The following SLC16A10 variants were observed in gnomAD, a reference collection of about 807,000 sequenced individuals.
SLC16A10 encodes monocarboxylate transporter 10.
SLC16A10 carries 27 observed loss-of-function variants against 40.0 expected under a neutral mutation model. The ratio of observed to expected loss-of-function variants is 0.67; its 90% CI spans 0.50 to 0.93. The LOEUF is 0.93. Ranked by LOEUF, SLC16A10 falls within the 40% of genes least tolerant of loss-of-function variation. The probability of loss-of-function intolerance (pLI) is 0.00; values close to 1 mark genes in which losing one functional copy is unlikely to be tolerated. For synonymous variants in SLC16A10, 213 were observed against 249.8 expected, an observed-to-expected ratio of 0.85 and a Z score of 1.39; for missense variants, 529 against 658.2, an observed-to-expected ratio of 0.80 and a Z score of 2.15.
intron 3 of SLC16A10, among the ~76,000 whole-genome samples, chr6:111,199,288 T>A (rs951543097): frequency 2.6e-5 from 4 of 152,064 alleles, no homozygotes; most frequent in African/African-American, 9.7e-5. Context: ...GGTGAAACTC[T>A]GTCTCTGCTA....
At chr6:111,095,106 G>A (rs532194291) in intron 1 of SLC16A10, among the ~76,000 whole-genome samples, 2 of 152,290 alleles carry the variant, frequency 1.3e-5, no homozygotes, top group African/African-American at 4.8e-5. Context: ...TCCCTACTCC[G>A]AAGGCCTGCA....
intron 1 of SLC16A10, among the ~76,000 whole-genome samples, chr6:111,171,989 A>C (rs922022175): frequency 6.6e-6 from 1 of 152,164 alleles, no homozygotes; most frequent in Non-Finnish European, 1.5e-5. Flanking sequence ...ATAGAGCTTC[A>C]GGGTCATCTA....
At chr6:111,219,966 G>A (rs1475087413) in intron 5 of SLC16A10, among the ~76,000 whole-genome samples, 1 of 152,126 alleles carries the variant, frequency 6.6e-6, no homozygotes, top group Non-Finnish European at 1.5e-5. Flanking sequence ...TAATATTAGT[G>A]TAGTCCCACC....
chr6:111,204,832 A>G (rs1227315239), intron 3 of SLC16A10, among the ~76,000 whole-genome samples: 1 of 152,214 alleles, frequency 6.6e-6, no homozygotes, highest in Non-Finnish European at 1.5e-5. Flanking sequence ...TGGTAGACCT[A>G]TATGATAATA....
At chr6:111,145,705 C>T (rs752069463) in intron 1 of SLC16A10, among the ~76,000 whole-genome samples, 36 of 152,084 alleles carry the variant, frequency 2.4e-4, no homozygotes, top group Admixed American at 3.3e-4. Flanking sequence ...AAAAATCAGC[C>T]GGGCATGGCA....
rs1770987059 is a variant in SLC16A10 at position 111,225,859 on chromosome 6, C to G, written c.*3624C>G. The G allele has an allele frequency of 6.6e-6, 1 of 152,140 alleles. No homozygotes were observed. The allele number at this position is 152,140 out of a possible 1,614,324, so 9.4% of individuals were successfully genotyped here. A position where few individuals can be genotyped will look rare whatever the true frequency, so the allele number is the denominator to read the frequency against. On this transcript the variant is annotated 3_prime_UTR_variant, in exon 6 of 6. Coordinates refer to ENST00000368851, the MANE Select transcript of SLC16A10 (RefSeq NM_018593.5). ...CTTCTTACATTATTCTTATCCTCAT[C>G]ATTTTTTCATTTCCCTTTACTTCCT... is the stretch of plus-strand genomic sequence containing the variant.
chr6:111,154,881 G>T (rs1772239488), intron 1 of SLC16A10, among the ~76,000 whole-genome samples: 1 of 151,986 alleles, frequency 6.6e-6, no homozygotes, highest in Admixed American at 6.6e-5. Flanking sequence ...AAAATTAGCT[G>T]GGCGTGGTGG....
At position 111,153,197 on chromosome 6, in the gene SLC16A10, A is replaced by C. The variant is rs77511161; in HGVS notation, c.344-19498A>C. Among the ~76,000 whole-genome samples, 3 of 152,306 alleles carry C rather than the reference A, an allele frequency of 2.0e-5. No individual in the cohort carries two copies. In the East Asian group the frequency reaches 5.8e-4, roughly 29 times the overall value. Reference sequence around the variant, plus strand: ...TTAAGCATTATTAAATTGTTCTCCCATCTTTAAAAGGTTCCCTAGCTTAGG... The same window carrying C: ...TTAAGCATTATTAAATTGTTCTCCCCTCTTTAAAAGGTTCCCTAGCTTAGG... On this transcript the variant is annotated intron_variant, in intron 1 of 5. Coordinates refer to ENST00000368851, the MANE Select transcript of SLC16A10 (RefSeq NM_018593.5).
chr6:111,199,318 G>A (rs188802758), intron 3 of SLC16A10, among the ~76,000 whole-genome samples: 41 of 152,138 alleles, frequency 2.7e-4, no homozygotes, highest in African/African-American at 9.6e-4. Flanking sequence ...AATTAGCTGG[G>A]CATGGTGGTG....
chr6:111,193,208 A>G lies in SLC16A10; in HGVS notation c.943-13384A>G, dbSNP rs183860451. ...ACCTTCTCTCCTTCACTTTGTCCCT[A>G]CTTTTTCTCAGATTTTTTTCAATGA... On this transcript the variant is annotated intron_variant, in intron 3 of 5. Coordinates refer to ENST00000368851, the MANE Select transcript of SLC16A10 (RefSeq NM_018593.5). 2.8e-5 allele frequency: 22 copies of G among 799,146 alleles called. No individual in the cohort carries two copies. In the East Asian group the frequency reaches 2.5e-3, roughly 91 times the overall value. The allele number at this position is 799,146 out of a possible 1,614,324, so 49.5% of individuals were successfully genotyped here.
intron 5 of SLC16A10, among the ~76,000 whole-genome samples, chr6:111,220,624 T>C (rs1365863392): frequency 1.3e-5 from 2 of 152,210 alleles, no homozygotes; most frequent in Non-Finnish European, 2.9e-5. Flanking sequence ...CATGGTCTCC[T>C]TATAGGAGAA....
At chr6:111,181,926 C>T (rs1284593408) in intron 3 of SLC16A10, among the ~76,000 whole-genome samples, 1 of 152,070 alleles carries the variant, frequency 6.6e-6, no homozygotes, top group Non-Finnish European at 1.5e-5. Flanking sequence ...TTATGAATTG[C>T]CCCTTTTGCC....
At chr6:111,144,627 T>C (rs1772044294) in intron 1 of SLC16A10, among the ~76,000 whole-genome samples, 3 of 152,238 alleles carry the variant, frequency 2.0e-5, no homozygotes, top group Admixed American at 2.0e-4. Context: ...GGCAAACTAC[T>C]CTATAGATCA....
chr6:111,220,370 AATG>A (rs774040576), intron 5 of SLC16A10, among the ~76,000 whole-genome samples: 12 of 152,220 alleles, frequency 7.9e-5, no homozygotes, highest in Non-Finnish European at 1.6e-4. Flanking sequence ...AAATTCTCTG[AATG>A]ATATTATAAA....
At chr6:111,176,145 C>T (rs1772680864) in intron 2 of SLC16A10, among the ~76,000 whole-genome samples, 1 of 152,082 alleles carries the variant, frequency 6.6e-6, no homozygotes, top group Non-Finnish European at 1.5e-5. Flanking sequence ...ATTCTTGAGC[C>T]TGATTTGAAG....
chr6:111,197,699 TCA>T (rs1198857598), intron 3 of SLC16A10, among the ~76,000 whole-genome samples: 1 of 152,088 alleles, frequency 6.6e-6, no homozygotes, highest in Non-Finnish European at 1.5e-5. Context: ...CAGCATCTGC[TCA>T]GTTTTCTGGT....
chr6:111,220,010 G>A (rs138737531), intron 5 of SLC16A10, among the ~76,000 whole-genome samples: 3 of 152,152 alleles, frequency 2.0e-5, no homozygotes, highest in Admixed American at 6.5e-5. Flanking sequence ...GATCTATTGC[G>A]CCTGGGAGAT....
At chr6:111,178,272 G>T in intron 3 of SLC16A10, 1 of 441,036 alleles carries the variant, frequency 2.3e-6, no homozygotes. Flanking sequence ...TGGGAAAATG[G>T]GAATTCTATT....
chr6:111,094,105 T>G (rs146486567), intron 1 of SLC16A10, among the ~76,000 whole-genome samples: 1 of 152,206 alleles, frequency 6.6e-6, no homozygotes, highest in Non-Finnish European at 1.5e-5. Flanking sequence ...CATAACACAT[T>G]TTTTCAGGAG....
Sources: allele counts gnomAD v4.1 joint callset (sites outside exome capture counted in the v4.1 genomes callset), GRCh38; gene constraint gnomAD v4.1.1; transcripts MANE v1.5; gene names NCBI Gene and HGNC (gene_info 2026-07-23, HGNC 2026-07-21).